DAB2IP: variants seen among roughly 807,000 people sequenced by gnomAD.
DAB2IP encodes the protein disabled homolog 2-interacting protein.
A neutral mutation model predicts 107.2 loss-of-function variants in DAB2IP; 28 were observed. The observed-to-expected ratio is 0.26, with a 90% CI of 0.19 to 0.36. The LOEUF (loss-of-function observed/expected upper bound fraction) is 0.36. Among genes scored for constraint, DAB2IP ranks in the 10% least tolerant of loss-of-function variants. The pLI is 1.00. For synonymous variants in DAB2IP, 755 were observed against 706.4 expected, an observed-to-expected ratio of 1.07 and a Z score of -1.09; for missense variants, 1,400 against 1,644.7, an observed-to-expected ratio of 0.85 and a Z score of 2.57.
chr9:121,678,808 G>A (rs746482656), intron 2 of DAB2IP, 27 bp downstream of exon 2: 17 of 1,533,700 alleles, frequency 1.1e-5, no homozygotes, highest in African/African-American at 8.3e-5. Context: ...CACCAACACC[G>A]CCACTGCCAC....
intron 1 of DAB2IP, among the ~76,000 whole-genome samples, chr9:121,655,419 C>T (rs1275194063): frequency 1.3e-5 from 2 of 152,232 alleles, no homozygotes; most frequent in African/African-American, 4.8e-5. Context: ...TTCAGCCAGT[C>T]AGCTCCTCTT....
At chr9:121,717,012 C>T (rs778758402) in intron 3 of DAB2IP, among the ~76,000 whole-genome samples, 2 of 152,210 alleles carry the variant, frequency 1.3e-5, no homozygotes, top group Non-Finnish European at 2.9e-5. Context: ...TCATACGGAG[C>T]TGGGCCTTGT....
intron 2 of DAB2IP, among the ~76,000 whole-genome samples, chr9:121,692,875 A>AGG (rs1001537693): frequency 2.6e-5 from 4 of 152,190 alleles, no homozygotes; most frequent in African/African-American, 7.2e-5. Flanking sequence ...GGAACAGGGA[A>AGG]GGGGAGGGCA....
intron 14 of DAB2IP, among the ~76,000 whole-genome samples, chr9:121,777,259 A>C (rs2119027419): frequency 6.6e-6 from 1 of 152,300 alleles, no homozygotes; most frequent in Non-Finnish European, 1.5e-5. Flanking sequence ...AGAGCCAGGA[A>C]GGCCTCTGCT....
In DAB2IP at chr9:121,760,230, G is replaced by A. The variant is rs752259549; in HGVS notation, c.961G>A (p.Gly321Ser). 50 of 1,613,630 alleles carry A rather than the reference G, an allele frequency of 3.1e-5. No individual in the cohort carries two copies. The East Asian group carries it at 6.7e-4, about 22-fold the overall frequency. ...GGTGGTGACGCCCAACCCCAAGGGC[G>A]GCAAGGGCCCTGGACCCATGATCCG... Residue 321 changes from glycine (G) to serine (S), a missense_variant, in exon 6 of 16, where the codon GGC becomes AGC. This residue lies in a region of DAB2IP where 517 missense variants were observed against 748.6 expected (regional missense o/e 0.69). Coordinates refer to ENST00000408936, the Ensembl canonical transcript of DAB2IP. This position sits in a 1 kb window ranked among gnomAD's most constrained non-coding sequence, Gnocchi z 5.9.
chr9:121,771,623 C>A lies in DAB2IP; in HGVS notation c.2078+899C>A, dbSNP rs563025233. Among the ~76,000 whole-genome samples, 13 of 152,242 alleles carry A rather than the reference C, an allele frequency of 8.5e-5. No homozygotes were observed. In the East Asian group the frequency reaches 2.5e-3, roughly 29 times the overall value. The stretch of plus-strand genomic sequence containing the variant: ...TTGGAGTGGGGGGTGCAGTAGACAG[C>A]CCTTGAGAGGCTGAGAGGCAGCCGG... On this transcript the variant is annotated intron_variant, in intron 11 of 15. Coordinates refer to ENST00000408936, the Ensembl canonical transcript of DAB2IP.
chr9:121,695,672 G>C (rs557950860), intron 2 of DAB2IP, among the ~76,000 whole-genome samples: 2 of 152,282 alleles, frequency 1.3e-5, no homozygotes, highest in African/African-American at 4.8e-5. Flanking sequence ...GGGGGTCATA[G>C]TCTGTCCCTA....
At chr9:121,584,219 G>A (rs911888984) in intron 1 of DAB2IP, among the ~76,000 whole-genome samples, 2 of 152,012 alleles carry the variant, frequency 1.3e-5, no homozygotes, top group Non-Finnish European at 2.9e-5. Flanking sequence ...ATAGATTACA[G>A]GTGTGAGCCA....
At chr9:121,764,093 G>A (rs981199190) in intron 8 of DAB2IP, among the ~76,000 whole-genome samples, 46 of 152,374 alleles carry the variant, frequency 3.0e-4, no homozygotes, top group African/African-American at 1.0e-3. Context: ...CCAGTCTGCC[G>A]TCTCTGGTGA....
At chr9:121,747,848 C>T (rs963274242) in intron 3 of DAB2IP, among the ~76,000 whole-genome samples, 2 of 141,354 alleles carry the variant, frequency 1.4e-5, no homozygotes, top group Non-Finnish European at 3.0e-5. Context: ...CTGCACCCCT[C>T]CTCCCCCGCA....
Position 121,776,228 on chromosome 9 carries a change from A to G in DAB2IP, c.3151A>G (p.Ile1051Val). 6.3e-7 allele frequency: 1 copy of G among 1,583,214 alleles called. No individual in the cohort carries two copies. The highest frequency in any genetic ancestry group is 1.3e-5 in the African/African-American group (1 of 74,622). Residue 1051 changes from isoleucine (I) to valine (V), a missense_variant, in exon 14 of 16, where the codon ATC becomes GTC. Physicochemically the swap from Ile to Val is conservative, Grantham distance 29 (BLOSUM62 3). This residue lies in a region of DAB2IP where 600 missense variants were observed against 659.1 expected (regional missense o/e 0.91). Transcript: ENST00000408936. This position sits in a 1 kb window ranked among gnomAD's most constrained non-coding sequence, Gnocchi z 5.4. ...GGCGGTGCTGCAGGACAAGCTGCGA[A>G]TCTCCACCAAGAAGCTGGAGGAGTA... is the stretch of plus-strand genomic sequence containing the variant.
chr9:121,591,850 C>T (rs1009775846), intron 1 of DAB2IP, among the ~76,000 whole-genome samples: 7 of 152,194 alleles, frequency 4.6e-5, no homozygotes, highest in African/African-American at 1.4e-4. Flanking sequence ...CAGTCTCAAA[C>T]TCCAAGTTTT....
At chr9:121,727,129 C>T (rs936462874) in intron 3 of DAB2IP, among the ~76,000 whole-genome samples, 1 of 152,176 alleles carries the variant, frequency 6.6e-6, no homozygotes, top group Non-Finnish European at 1.5e-5. Flanking sequence ...AGGGGTGATA[C>T]CTTGTGTCCT....
chr9:121,766,500 C>T (rs375151401), exon 9 of DAB2IP: 1 of 1,605,634 alleles, frequency 6.2e-7, no homozygotes, highest in African/African-American at 1.3e-5. Context: ...ACAGTGTCTT[C>T]CCACGGGAGT....
chr9:121,750,281 C>T (rs1833013695), intron 3 of DAB2IP, among the ~76,000 whole-genome samples: 1 of 152,236 alleles, frequency 6.6e-6, no homozygotes, highest in African/African-American at 2.4e-5. Context: ...CTCCTGCCCG[C>T]TCGCAGCTGC....
At chr9:121,665,001 T>G (rs1833361854) in intron 1 of DAB2IP, among the ~76,000 whole-genome samples, 1 of 152,212 alleles carries the variant, frequency 6.6e-6, no homozygotes, top group African/African-American at 2.4e-5. Context: ...CAGTTTTGCT[T>G]TAGTATCAAA....
chr9:121,696,025 C>G (rs1035992544), intron 2 of DAB2IP, among the ~76,000 whole-genome samples: 4 of 151,976 alleles, frequency 2.6e-5, no homozygotes, highest in African/African-American at 9.7e-5. Context: ...CGTGCCACCA[C>G]GCCCGGCTAA....
At chr9:121,644,458 G>A (rs1193787647) in intron 1 of DAB2IP, among the ~76,000 whole-genome samples, 1 of 151,904 alleles carries the variant, frequency 6.6e-6, no homozygotes. Flanking sequence ...TTAGCCAGGC[G>A]TGGTGACACA....
At chr9:121,628,511 G>T (rs1412257539) in intron 1 of DAB2IP, among the ~76,000 whole-genome samples, 1 of 152,246 alleles carries the variant, frequency 6.6e-6, no homozygotes, top group East Asian at 1.9e-4. Flanking sequence ...AGGGGCTGCT[G>T]GTGGCCACTG....
Sources: gnomAD v4.1 joint callset for allele counts (sites outside exome capture counted in the v4.1 genomes callset) on GRCh38, gnomAD v4.1.1 for gene constraint, gnomAD v4.1.1 regional missense constraint, Gnocchi (gnomAD v3.1) non-coding constraint, MANE v1.5 for transcripts, NCBI Gene and HGNC (gene_info 2026-07-23, HGNC 2026-07-21) for gene names.